AHNAK: variants seen among roughly 807,000 people sequenced by gnomAD.
AHNAK encodes the protein neuroblast differentiation-associated protein AHNAK.
Under a neutral mutation model 37.8 loss-of-function variants are expected in AHNAK, and 23 were observed. The ratio of observed to expected loss-of-function variants is 0.61; its 90% confidence interval spans 0.44 to 0.86. AHNAK has a LOEUF of 0.86. Among genes scored for constraint, AHNAK ranks in the 40% least tolerant of loss-of-function variants. The pLI is 0.00. For missense variants in AHNAK, 7,411 were observed against 7,319.4 expected (o/e 1.01, Z -0.46); for synonymous variants, 2,481 against 2,636.3 (o/e 0.94, Z 1.80).
chr11:62,541,568 G>C (rs757684528), intron 1 of AHNAK, among the ~76,000 whole-genome samples: 2 of 151,926 alleles, frequency 1.3e-5, no homozygotes, highest in Admixed American at 6.6e-5. Context: ...AGGCAAAGAG[G>C]AACAGAAAGT....
chr11:62,437,808 C>T (rs1173656174), intron 5 of AHNAK, among the ~76,000 whole-genome samples: 3 of 152,168 alleles, frequency 2.0e-5, no homozygotes, highest in African/African-American at 4.8e-5. Flanking sequence ...CTAGTTGTTC[C>T]ATATTCTCAG....
chr11:62,512,584 T>C (rs1299697272), downstream of AHNAK, among the ~76,000 whole-genome samples: 1 of 152,050 alleles, frequency 6.6e-6, no homozygotes, highest in East Asian at 1.9e-4. The surrounding 1 kb of genome is among the most constrained non-coding windows in gnomAD (Gnocchi z 4.0). Flanking sequence ...ACCTGACAGA[T>C]AGAGAAATGA....
chr11:62,519,074 C>T lies in AHNAK; in HGVS notation c.15343G>A (p.Gly5115Ser). ...TCCAGATCAGGTGCCTGGAGTTCAC[C>T]CTCCAGTTTGGGGCTAGGGAGAGGG... is the stretch of plus-strand genomic sequence containing the variant. ...EAPLPSPKLE[G>S]ELQAPDLELS... is the part of the protein sequence containing the mutation. Residue 5115 changes from glycine to serine, a missense_variant, in exon 5 of 5, where the codon GGT becomes AGT. Coordinates refer to ENST00000378024, the MANE Select transcript of AHNAK (RefSeq NM_001620.3). 1 of 1,612,932 alleles carries T rather than the reference C, an allele frequency of 6.2e-7. No homozygotes were observed. The highest frequency in any genetic ancestry group is 8.5e-7 in the Non-Finnish European group (1 of 1,179,358).
intron 5 of AHNAK, among the ~76,000 whole-genome samples, chr11:62,482,951 A>C (rs1939305381): frequency 6.6e-6 from 1 of 152,150 alleles, no homozygotes; most frequent in Non-Finnish European, 1.5e-5. Context: ...TAGGAGGAAA[A>C]AGACAGGGCA....
chr11:62,510,179 C>G (rs1263993479), intron 4 of AHNAK, among the ~76,000 whole-genome samples: 1 of 151,616 alleles, frequency 6.6e-6, no homozygotes, highest in Non-Finnish European at 1.5e-5. Flanking sequence ...CCTGCCTCAG[C>G]CTCCTGAGTA....
chr11:62,440,836 A>G (rs1938291362), intron 5 of AHNAK, among the ~76,000 whole-genome samples: 2 of 152,168 alleles, frequency 1.3e-5, no homozygotes, highest in African/African-American at 4.8e-5. Flanking sequence ...CTAAGTGCTT[A>G]CTATGTGCCA....
intron 4 of AHNAK, among the ~76,000 whole-genome samples, chr11:62,496,944 G>T (rs1158578558): frequency 1.3e-5 from 2 of 152,172 alleles, no homozygotes; most frequent in East Asian, 3.8e-4. Context: ...AAGAGCAAAT[G>T]ACATTAAGGT....
Position 62,466,448 on chromosome 11 carries a change from G to A in AHNAK, c.442+25284C>T, listed in dbSNP as rs375036143. Among the ~76,000 whole-genome samples, 19 of 149,962 alleles carry A rather than the reference G, an allele frequency of 1.3e-4. No homozygotes were observed. The East Asian group carries it at 1.6e-3, about 12-fold the overall frequency. On this transcript the variant is annotated intron_variant, in intron 5 of 5. Coordinates refer to the AHNAK transcript ENST00000257247. The stretch of plus-strand genomic sequence containing the variant: ...GTCTGTTAAGGATCCCAAACTTAAC[G>A]TATCCAAAAGTAAAGTTTTGATTTT...
chr11:62,473,864 G>A (rs1939089947), intron 5 of AHNAK, among the ~76,000 whole-genome samples: 1 of 151,764 alleles, frequency 6.6e-6, no homozygotes. Flanking sequence ...GCTGGACATG[G>A]TGATGTGTGC....
At position 62,520,137 on chromosome 11, in the gene AHNAK, T is replaced by G. The variant is rs1196533634; in HGVS notation, c.14280A>C (p.Pro4760=). The G allele has an allele frequency of 2.5e-6, 4 of 1,612,628 alleles. No homozygotes were observed. The highest frequency in any genetic ancestry group is 2.5e-6 in the Non-Finnish European group (3 of 1,179,654). ...CATCAGGGGTGTTGATGTCCACTTT[T>G]GGGCCCTTGATGTCAGCTTCTGGGC... ...LKGPEADIKG[P]KVDINTPDVD... is the part of the protein sequence containing the mutation. The change falls in exon 5 of 5, where the codon CCA becomes CCC. Residue 4760 remains proline (P), a synonymous_variant. Coordinates refer to ENST00000378024, the MANE Select transcript of AHNAK (RefSeq NM_001620.3).
At position 62,529,423 on chromosome 11, in the gene AHNAK, G is replaced by A; in HGVS notation, c.4994C>T (p.Pro1665Leu). The A allele has an allele frequency of 6.2e-7, 1 of 1,613,790 alleles. No individual in the cohort carries two copies. Among genetic ancestry groups the A allele is most frequent in the Non-Finnish European group, 8.5e-7 (1 of 1,179,980 alleles). ...MPDVDLHLKG[P>L]KVKGDMDVSV... ...CACATCCATATCCCCTTTGACTTTG[G>A]GGCCTTTCAAGTGTAAGTCCACATC... The change falls in exon 5 of 5, where the codon CCC becomes CTC. Residue 1665 changes from proline to leucine, a missense_variant. Physicochemically the swap from Pro to Leu is moderately conservative, Grantham distance 98. Coordinates refer to ENST00000378024, the MANE Select transcript of AHNAK (RefSeq NM_001620.3).
chr11:62,510,391 T>C (rs1939888803), intron 4 of AHNAK, among the ~76,000 whole-genome samples: 1 of 152,096 alleles, frequency 6.6e-6, no homozygotes, highest in African/African-American at 2.4e-5. Context: ...GAAGTATTTA[T>C]GGGTAAAGGA....
At chr11:62,497,752 G>A (rs1213562521) in intron 4 of AHNAK, among the ~76,000 whole-genome samples, 1 of 152,152 alleles carries the variant, frequency 6.6e-6, no homozygotes, top group African/African-American at 2.4e-5. Context: ...CCTGAGGTGA[G>A]GAGTTCAAGA....
At position 62,521,333 on chromosome 11, in the gene AHNAK, C is replaced by T. The variant is rs1273979222; in HGVS notation, c.13084G>A (p.Glu4362Lys). Residue 4362 changes from glutamate (E) to lysine (K), a missense_variant, in exon 5 of 5, where the codon GAA (glutamate) becomes AAA (lysine). Transcript: ENST00000378024. ...VDIDAPDVSI[E>K]GPDAKLKGPK... ...CCCTTGAGTTTTGCATCTGGACCTT[C>T]GATACTGACATCAGGGGCATCAATG... The T allele has an allele frequency of 1.9e-6, 3 of 1,613,342 alleles. No homozygotes were observed. The highest frequency in any genetic ancestry group is 1.1e-5 in the South Asian group (1 of 91,030).
chr11:62,508,334 T>C (rs1939845878), intron 4 of AHNAK, among the ~76,000 whole-genome samples: 1 of 152,228 alleles, frequency 6.6e-6, no homozygotes, highest in Non-Finnish European at 1.5e-5. Flanking sequence ...CTCTATGAGT[T>C]GAGACCAATC....
rs573146677 is a variant in AHNAK, at chr11:62,480,121, C to A, written c.442+11611G>T. 1.3e-3 allele frequency among the ~76,000 whole-genome samples: 195 copies of A among 152,300 alleles called. No homozygotes were observed. In the Middle Eastern group the frequency reaches 0.014, roughly 11 times the overall value. ...TGCCAGGAAGGTCAGGGCCCTGCTCCCCTGCCTGTGCCCACTGCTGGGAGC... is the reference window on the plus strand; with the variant it reads ...TGCCAGGAAGGTCAGGGCCCTGCTCACCTGCCTGTGCCCACTGCTGGGAGC... On this transcript the variant is annotated intron_variant, in intron 5 of 5. Transcript: ENST00000257247.
Position 62,529,736 on chromosome 11 carries a change from T to TCCC in AHNAK, c.4678_4680dup (p.Gly1560dup). The TCCC allele has an allele frequency of 6.2e-7, 1 of 1,614,034 alleles. No homozygotes were observed. Among genetic ancestry groups the TCCC allele is most frequent in the Non-Finnish European group, 8.5e-7 (1 of 1,180,014 alleles). ...ATCTTGAACTTAGGGCCTTTTAGTT[T>TCCC]CCCCTCTGGAGCTTCAAGATTCACA... On this transcript the variant is annotated inframe_insertion, in exon 5 of 5. Coordinates refer to ENST00000378024, the MANE Select transcript of AHNAK (RefSeq NM_001620.3).
At position 62,521,069 on chromosome 11, in the gene AHNAK, G is replaced by A. The variant is rs912705991; in HGVS notation, c.13348C>T (p.Pro4450Ser). Reference protein sequence around the residue: ...GKLKGPKFKMPEMNIKAPKIS... With the variant: ...GKLKGPKFKMSEMNIKAPKIS... The stretch of plus-strand genomic sequence containing the variant: ...TTGGGAGCTTTGATGTTCATCTCAG[G>A]CATCTTAAATTTGGGCCCCTTCAAT... Residue 4450 changes from proline (P) to serine (S), a missense_variant, in exon 5 of 5, where the codon CCT becomes TCT. Transcript: ENST00000378024. 1.2e-6 allele frequency: 2 copies of A among 1,613,908 alleles called. No individual in the cohort carries two copies. The highest frequency in any genetic ancestry group is 2.2e-5 in the East Asian group (1 of 44,890).
At chr11:62,465,987 T>C (rs1938904073) in intron 5 of AHNAK, among the ~76,000 whole-genome samples, 2 of 152,104 alleles carry the variant, frequency 1.3e-5, no homozygotes, top group African/African-American at 4.8e-5. Flanking sequence ...TTGTGATAAT[T>C]ATAGCAACCA....
Sources: gnomAD v4.1 joint callset for allele counts (sites outside exome capture counted in the v4.1 genomes callset) on GRCh38, gnomAD v4.1.1 for gene constraint, Gnocchi (gnomAD v3.1) non-coding constraint, MANE v1.5 for transcripts, NCBI Gene and HGNC (gene_info 2026-07-23, HGNC 2026-07-21) for gene names.